Variants in GNG12 observed in about 807,000 individuals in gnomAD.
The protein encoded by GNG12 is G protein subunit gamma 12.
For missense variants in GNG12, 69 were observed against 83.8 expected, an observed-to-expected ratio of 0.82 and a Z score of 0.69; for synonymous variants, 28 against 29.7, an observed-to-expected ratio of 0.94 and a Z score of 0.19.
intron 1 of GNG12, among the ~76,000 whole-genome samples, chr1:67,782,671 A>C (rs1279963293): frequency 1.3e-5 from 2 of 152,224 alleles, no homozygotes; most frequent in Non-Finnish European, 2.9e-5. Context: ...AAATTTTAAA[A>C]AAATACACAT....
At chr1:67,765,909 A>G (rs1191327661) in intron 2 of GNG12, among the ~76,000 whole-genome samples, 1 of 152,188 alleles carries the variant, frequency 6.6e-6, no homozygotes, top group Non-Finnish European at 1.5e-5. Flanking sequence ...AGGAAACTCA[A>G]GACTAACAAT....
At position 67,764,510 on chromosome 1, in the gene GNG12, C is replaced by T. The variant is rs115687098; in HGVS notation, c.-27+12948G>A. Among the ~76,000 whole-genome samples the T allele has an allele frequency of 6.2e-3, 951 of 152,206 alleles. 8 individuals are homozygous for T. Among genetic ancestry groups the T allele is most frequent in the African/African-American group, 0.022 (917 of 41,528 alleles). On this transcript the variant is annotated intron_variant, in intron 2 of 3. Transcript: ENST00000370982. ...GAATAATAATGAAAGCCTGAAAATG[C>T]TCTGAAATTAGAGGGAACTTAGATA...
intron 2 of GNG12, among the ~76,000 whole-genome samples, chr1:67,761,346 G>A (rs1003578954): frequency 1.3e-5 from 2 of 152,182 alleles, no homozygotes; most frequent in Admixed American, 6.5e-5. Flanking sequence ...CTCTAAAATA[G>A]TTTAAAAGAT....
intron 1 of GNG12, among the ~76,000 whole-genome samples, chr1:67,791,662 T>A (rs914812323): frequency 2.6e-5 from 4 of 152,064 alleles, no homozygotes; most frequent in African/African-American, 9.7e-5. Context: ...ACCTCCAGAA[T>A]CCAATCATGC....
intron 1 of GNG12, among the ~76,000 whole-genome samples, chr1:67,829,887 AATGAGAAATCATCTGTGGC>A (rs1388957546): frequency 6.6e-6 from 1 of 152,228 alleles, no homozygotes; most frequent in African/African-American, 2.4e-5. Context: ...CAATTAGTAA[AATGAGAAATCATCTGTGGC>A]ATGAGCTAAG....
Position 67,798,928 on chromosome 1 carries a change from T to A in GNG12, c.-76-21421A>T, listed in dbSNP as rs554623947. 4.6e-5 allele frequency among the ~76,000 whole-genome samples: 7 copies of A among 152,138 alleles called. No individual in the cohort carries two copies. In the East Asian group the frequency reaches 1.4e-3, roughly 29 times the overall value. ...GAGATCATGCCACTGCACTCCAGCC[T>A]GGCGGCAGAGCAAGGCTGTCTCACA... On this transcript the variant is annotated intron_variant, in intron 1 of 3. Coordinates refer to ENST00000370982, the MANE Select transcript of GNG12 (RefSeq NM_018841.6).
intron 2 of GNG12, among the ~76,000 whole-genome samples, chr1:67,755,022 T>C (rs1197302699): frequency 6.6e-6 from 1 of 152,210 alleles, no homozygotes; most frequent in Non-Finnish European, 1.5e-5. Context: ...CAGTGAGACA[T>C]GAGGGGAGGT....
chr1:67,758,939 G>A (rs760281064), intron 2 of GNG12, among the ~76,000 whole-genome samples: 1 of 152,082 alleles, frequency 6.6e-6, no homozygotes, highest in Non-Finnish European at 1.5e-5. Flanking sequence ...TACAGTTAGG[G>A]AGAAAGAATA....
intron 2 of GNG12, among the ~76,000 whole-genome samples, chr1:67,728,219 A>G (rs1256334586): frequency 6.6e-6 from 1 of 152,164 alleles, no homozygotes; most frequent in African/African-American, 2.4e-5. Context: ...GTACCTCCAG[A>G]GTCAGAGTAT....
intron 1 of GNG12, among the ~76,000 whole-genome samples, chr1:67,779,788 C>T (rs1646726953): frequency 6.6e-6 from 1 of 152,112 alleles, no homozygotes; most frequent in African/African-American, 2.4e-5. Context: ...GGGACTTCAT[C>T]GTGTGAATAT....
Position 67,798,746 on chromosome 1 carries a change from G to A in GNG12, c.-76-21239C>T, listed in dbSNP as rs572032873. Among the ~76,000 whole-genome samples, 11 of 152,242 alleles carry A rather than the reference G, an allele frequency of 7.2e-5. No individual in the cohort carries two copies. The South Asian group carries it at 2.1e-3, about 29-fold the overall frequency. ...TGAGGTGGGTGGATCACAAGGTCAG[G>A]AGATCGAGACCATCCTGGCCAACAT... On this transcript the variant is annotated intron_variant, in intron 1 of 3. Transcript: ENST00000370982.
At chr1:67,798,961 T>TATAAATAAATAA (rs34151514) in intron 1 of GNG12, among the ~76,000 whole-genome samples, 7 of 150,670 alleles carry the variant, frequency 4.6e-5, no homozygotes, top group East Asian at 2.0e-4. Flanking sequence ...ACAAAAAAAA[T>TATAAATAAATAA]ATAAATAAAT....
At chr1:67,718,406 A>G (rs931663710) in intron 2 of GNG12, among the ~76,000 whole-genome samples, 1 of 152,130 alleles carries the variant, frequency 6.6e-6, no homozygotes, top group Non-Finnish European at 1.5e-5. Flanking sequence ...ATATGAAAAA[A>G]CTGATATGTA....
At chr1:67,741,604 T>C (rs1461983538) in intron 2 of GNG12, among the ~76,000 whole-genome samples, 1 of 152,200 alleles carries the variant, frequency 6.6e-6, no homozygotes, top group Non-Finnish European at 1.5e-5. Flanking sequence ...GGTCTTTAAT[T>C]CCACCATCTT....
chr1:67,797,447 T>C (rs778362670), intron 1 of GNG12, among the ~76,000 whole-genome samples: 82 of 152,296 alleles, frequency 5.4e-4, no homozygotes, highest in Admixed American at 9.1e-4. Context: ...TCCCATGGCT[T>C]GTTGAACACT....
intron 2 of GNG12, among the ~76,000 whole-genome samples, chr1:67,760,696 C>T (rs1239858078): frequency 1.3e-5 from 2 of 152,190 alleles, no homozygotes; most frequent in Non-Finnish European, 2.9e-5. Context: ...ATTTGATCCT[C>T]AGCAAGATAC....
At chr1:67,796,811 T>C (rs539122482) in intron 1 of GNG12, among the ~76,000 whole-genome samples, 1 of 152,234 alleles carries the variant, frequency 6.6e-6, no homozygotes, top group Admixed American at 6.5e-5. Flanking sequence ...AAAAAGAGGT[T>C]TATTGGGCTC....
intron 1 of GNG12, among the ~76,000 whole-genome samples, chr1:67,781,074 A>G (rs553062110): frequency 6.6e-6 from 1 of 152,172 alleles, no homozygotes; most frequent in Non-Finnish European, 1.5e-5. Context: ...GAAAGGCAAA[A>G]AGTTTTAAGA....
chr1:67,705,234 A>G lies in GNG12; in HGVS notation c.*217T>C, dbSNP rs1487951628. 3.9e-5 allele frequency: 21 copies of G among 534,046 alleles called. No individual in the cohort carries two copies. Among genetic ancestry groups the G allele is most frequent in the Non-Finnish European group, 5.3e-5 (19 of 357,172 alleles). 33.1% of individuals were successfully genotyped at this position (534,046 alleles called of 1,614,324 possible). ...ACCCAACATAAAGCCATAGTTACCAAGTGGAAAATAAGATTGTTATTCTGT... is the reference window on the plus strand; with the variant it reads ...ACCCAACATAAAGCCATAGTTACCAGGTGGAAAATAAGATTGTTATTCTGT... On this transcript the variant is annotated 3_prime_UTR_variant, in exon 4 of 4. Transcript: ENST00000370982.
Sources: gnomAD v4.1 joint callset for allele counts (sites outside exome capture counted in the v4.1 genomes callset) on GRCh38, gnomAD v4.1.1 for gene constraint, MANE v1.5 for transcripts, NCBI Gene and HGNC (gene_info 2026-07-23, HGNC 2026-07-21) for gene names.